The following SND1 variants were observed in gnomAD, a reference collection of about 807,000 sequenced individuals.
SND1 encodes the protein staphylococcal nuclease domain-containing protein 1.
A neutral mutation model predicts 121.7 loss-of-function variants in SND1; 38 were observed. The ratio of observed to expected loss-of-function variants is 0.31; its 90% confidence interval spans 0.24 to 0.41. The LOEUF (loss-of-function observed/expected upper bound fraction) is 0.41. SND1 is among the 10% of genes least tolerant of loss of function. The pLI is 1.00. For missense variants in SND1, 868 were observed against 1,184.6 expected, an observed-to-expected ratio of 0.73 and a Z score of 3.92; for synonymous variants, 401 against 447.4, an observed-to-expected ratio of 0.90 and a Z score of 1.31.
At chr7:127,701,137 A>T in intron 4 of SND1, 26 bp from the exon 5 acceptor site, 1 of 1,611,316 alleles carries the variant, frequency 6.2e-7, no homozygotes, top group Non-Finnish European at 8.5e-7. Context: ...CTCACTAACC[A>T]CTCTTGTTTA....
intron 10 of SND1, among the ~76,000 whole-genome samples, chr7:127,762,318 C>T (rs1797319393): frequency 6.6e-6 from 1 of 152,134 alleles, no homozygotes; most frequent in Non-Finnish European, 1.5e-5. Flanking sequence ...ATCAAAGTGC[C>T]TCTTGTTGTC....
intron 11 of SND1, among the ~76,000 whole-genome samples, chr7:127,811,552 G>T (rs1450743336): frequency 6.6e-6 from 1 of 152,018 alleles, no homozygotes; most frequent in Non-Finnish European, 1.5e-5. Flanking sequence ...CTCCTTTCCA[G>T]TGCACGGCGC....
At chr7:127,717,201 T>C (rs1458579160) in intron 9 of SND1, among the ~76,000 whole-genome samples, 1 of 152,236 alleles carries the variant, frequency 6.6e-6, no homozygotes, top group Non-Finnish European at 1.5e-5. Context: ...ATTTTTGTTA[T>C]AGTTAGTATA....
chr7:127,935,222 C>A (rs1801036198), intron 15 of SND1, among the ~76,000 whole-genome samples: 1 of 152,090 alleles, frequency 6.6e-6, no homozygotes, highest in Non-Finnish European at 1.5e-5. Context: ...TGATATCTAA[C>A]AGAGAATGGA....
chr7:127,928,507 C>CT (rs745644708), intron 14 of SND1, among the ~76,000 whole-genome samples: 5,834 of 109,396 alleles, frequency 0.053, 153 homozygotes, highest in African/African-American at 0.068. Flanking sequence ...CTAGGCGTCG[C>CT]TTTTTTTTTT....
chr7:127,652,556 C>G, intron 1 of SND1, 105 bp downstream of exon 1: 1 of 923,706 alleles, frequency 1.1e-6, no homozygotes, highest in Non-Finnish European at 1.6e-6. Flanking sequence ...ATCCCCTTTC[C>G]TCTGCCCCCT....
intron 16 of SND1, among the ~76,000 whole-genome samples, chr7:128,014,153 C>G (rs1051856424): frequency 6.6e-6 from 1 of 152,188 alleles, no homozygotes; most frequent in Admixed American, 6.5e-5. Context: ...AATGAAACTT[C>G]AGGAACAGTC....
At position 128,021,512 on chromosome 7, in the gene SND1, T is replaced by A. The variant is rs3808060; in HGVS notation, c.1779+30456T>A. ...AGGTAAAGGGAGGAAGCCAGGGTCT[T>A]GAAGACTGGGAAGAAGTAGCCCGAG... On this transcript the variant is annotated intron_variant, in intron 16 of 23. Transcript: ENST00000354725. Among the ~76,000 whole-genome samples, 24 of 152,322 alleles carry A rather than the reference T, an allele frequency of 1.6e-4. 1 individual carries two copies. The East Asian group carries it at 4.6e-3, about 29-fold the overall frequency.
intron 10 of SND1, among the ~76,000 whole-genome samples, chr7:127,805,482 T>G (rs1001557892): frequency 6.6e-6 from 1 of 152,148 alleles, no homozygotes; most frequent in Admixed American, 6.5e-5. Flanking sequence ...AGCTGATTAG[T>G]GAATATGAAA....
chr7:127,877,633 G>A (rs753769181), intron 12 of SND1, among the ~76,000 whole-genome samples: 35 of 152,040 alleles, frequency 2.3e-4, no homozygotes, highest in Non-Finnish European at 3.7e-4. Context: ...AGGTTTTGCC[G>A]TGTTGCCCAG....
chr7:128,013,462 G>A (rs930001036), intron 16 of SND1, among the ~76,000 whole-genome samples: 5 of 152,164 alleles, frequency 3.3e-5, no homozygotes, highest in African/African-American at 1.2e-4. Context: ...ACTAAGGGTC[G>A]GAATCCTCAG....
At chr7:127,817,570 C>T (rs1198961617) in intron 11 of SND1, among the ~76,000 whole-genome samples, 1 of 152,122 alleles carries the variant, frequency 6.6e-6, no homozygotes, top group African/African-American at 2.4e-5. Context: ...AAAGGAAAGG[C>T]AGCTGTATAT....
chr7:127,763,415 C>G (rs1017703605), intron 10 of SND1, among the ~76,000 whole-genome samples: 1 of 152,120 alleles, frequency 6.6e-6, no homozygotes, highest in African/African-American at 2.4e-5. Flanking sequence ...GGCAAAATCA[C>G]AGCTCATTGC....
At chr7:127,958,819 G>A (rs556136778) in intron 15 of SND1, among the ~76,000 whole-genome samples, 2 of 152,094 alleles carry the variant, frequency 1.3e-5, no homozygotes, top group East Asian at 1.9e-4. Context: ...GAGGCATTAG[G>A]TATGAGTACC....
intron 15 of SND1, among the ~76,000 whole-genome samples, chr7:127,959,995 C>T (rs569490822): frequency 6.6e-6 from 1 of 152,298 alleles, no homozygotes; most frequent in South Asian, 2.1e-4. Context: ...TCCCCTGTTG[C>T]CTCTCGTCTG....
At chr7:127,705,481 A>C (rs909788740) in intron 8 of SND1, among the ~76,000 whole-genome samples, 1 of 152,232 alleles carries the variant, frequency 6.6e-6, no homozygotes, top group African/African-American at 2.4e-5. Context: ...CTTGTTGGCT[A>C]TCGTTAAAGC....
chr7:127,762,098 A>G (rs190070280), intron 10 of SND1, among the ~76,000 whole-genome samples: 8 of 152,304 alleles, frequency 5.3e-5, no homozygotes, highest in Non-Finnish European at 1.0e-4. Context: ...CTTTGTGGGC[A>G]CAGGTGAAAA....
intron 16 of SND1, among the ~76,000 whole-genome samples, chr7:128,009,590 T>C (rs1005009340): frequency 2.6e-5 from 4 of 152,196 alleles, no homozygotes; most frequent in Non-Finnish European, 5.9e-5. Context: ...ATAGAATCTT[T>C]ATAAAATTTA....
At chr7:127,929,470 G>A (rs1800916654) in intron 15 of SND1, 141 bp downstream of exon 15, 2 of 829,790 alleles carry the variant, frequency 2.4e-6, no homozygotes, top group Non-Finnish European at 3.9e-6. Flanking sequence ...TGCAAACACA[G>A]TTTCTAGATT....
Sources: gnomAD v4.1 joint callset for allele counts (sites outside exome capture counted in the v4.1 genomes callset) on GRCh38, gnomAD v4.1.1 for gene constraint, MANE v1.5 for transcripts, NCBI Gene and HGNC (gene_info 2026-07-23, HGNC 2026-07-21) for gene names.